Variants in DAB1 observed in about 807,000 individuals in gnomAD.
The protein encoded by DAB1 is disabled homolog 1.
In DAB1, 15 loss-of-function variants were observed where a neutral mutation model predicts 64.6. The ratio of observed to expected loss-of-function variants is 0.23; its 90% CI spans 0.16 to 0.36. DAB1 has a LOEUF of 0.36. Ranked by LOEUF, DAB1 falls within the 10% of genes least tolerant of loss-of-function variation. The pLI is 1.00. For missense variants in DAB1, 596 were observed against 706.7 expected (o/e 0.84, Z 1.78); for synonymous variants, 235 against 251.9 (o/e 0.93, Z 0.64).
chr1:58,251,435 C>G (rs1392558471), intron 4 of DAB1, among the ~76,000 whole-genome samples: 2 of 152,030 alleles, frequency 1.3e-5, no homozygotes, highest in Non-Finnish European at 2.9e-5. Flanking sequence ...AAGTAGATGG[C>G]GACATGTGAT....
intron 4 of DAB1, among the ~76,000 whole-genome samples, chr1:58,335,754 G>T (rs562407378): frequency 6.6e-6 from 1 of 152,182 alleles, no homozygotes; most frequent in East Asian, 1.9e-4. Flanking sequence ...GCTATAGGGC[G>T]TGAAAAAGAG....
chr1:57,957,702 G>A (rs1645423314), intron 5 of DAB1, among the ~76,000 whole-genome samples: 1 of 152,164 alleles, frequency 6.6e-6, no homozygotes, highest in South Asian at 2.1e-4. Context: ...AAGGAAAACT[G>A]AGGATTGGTC....
chr1:57,790,649 G>A (rs1182066747), intron 6 of DAB1, among the ~76,000 whole-genome samples: 1 of 152,068 alleles, frequency 6.6e-6, no homozygotes, highest in Non-Finnish European at 1.5e-5. Context: ...TATGACATCT[G>A]GTATCAGATG....
intron 5 of DAB1, among the ~76,000 whole-genome samples, chr1:57,911,039 C>T (rs1372207541): frequency 6.6e-6 from 1 of 152,180 alleles, no homozygotes; most frequent in Non-Finnish European, 1.5e-5. Context: ...CATCATTCAT[C>T]CACCTGTCAT....
chr1:57,472,559 G>GA (rs1267228244), intron 7 of DAB1, among the ~76,000 whole-genome samples: 1 of 152,176 alleles, frequency 6.6e-6, no homozygotes, highest in Non-Finnish European at 1.5e-5. Context: ...AAAGCACTGT[G>GA]AAAATCCCTA....
At chr1:57,879,772 A>G (rs1338894615) in intron 1 of DAB1, among the ~76,000 whole-genome samples, 1 of 152,124 alleles carries the variant, frequency 6.6e-6, no homozygotes, top group Non-Finnish European at 1.5e-5. Context: ...AGGATCCTCC[A>G]TTGGCCTCTG....
chr1:57,213,377 A>T (rs1280421852), intron 2 of DAB1, among the ~76,000 whole-genome samples: 2 of 152,184 alleles, frequency 1.3e-5, no homozygotes, highest in African/African-American at 2.4e-5. Flanking sequence ...CTAGCCATAC[A>T]TCTGGTGCTC....
At chr1:58,197,798 T>C (rs1657771240) in intron 4 of DAB1, among the ~76,000 whole-genome samples, 1 of 151,932 alleles carries the variant, frequency 6.6e-6, no homozygotes, top group South Asian at 2.1e-4. Context: ...GCTGTACCTA[T>C]TCCTTAATTT....
chr1:57,815,082 GT>G (rs1293237922), intron 6 of DAB1, among the ~76,000 whole-genome samples: 2 of 150,944 alleles, frequency 1.3e-5, no homozygotes, highest in African/African-American at 4.9e-5. Flanking sequence ...TTGTTTGTTT[GT>G]TTTTTTGAGA....
intron 2 of DAB1, among the ~76,000 whole-genome samples, chr1:57,185,943 G>A (rs1663510590): frequency 6.6e-6 from 1 of 152,054 alleles, no homozygotes; most frequent in Non-Finnish European, 1.5e-5. Flanking sequence ...AACTCAGAAA[G>A]CCTCCTGTGG....
intron 3 of DAB1, among the ~76,000 whole-genome samples, chr1:58,490,967 G>A (rs1314829197): frequency 7.3e-5 from 11 of 151,488 alleles, no homozygotes; most frequent in South Asian, 4.2e-4. Context: ...TACCAAGCCC[G>A]GCTAAATTTT....
intron 4 of DAB1, among the ~76,000 whole-genome samples, chr1:58,245,127 A>G (rs1660472080): frequency 1.3e-5 from 2 of 152,226 alleles, no homozygotes; most frequent in Non-Finnish European, 2.9e-5. Context: ...AGTACTGGGG[A>G]AAAGAGTATC....
intron 1 of DAB1, among the ~76,000 whole-genome samples, chr1:57,882,348 G>A (rs889020350): frequency 5.3e-5 from 8 of 152,170 alleles, no homozygotes; most frequent in Non-Finnish European, 1.2e-4. Flanking sequence ...ACGAACATCA[G>A]AGAAGAATGA....
intron 5 of DAB1, among the ~76,000 whole-genome samples, chr1:57,969,889 A>G (rs116741118): frequency 0.01 from 1,584 of 152,244 alleles, 33 homozygotes; most frequent in African/African-American, 0.037. Flanking sequence ...TCTCTCCAAC[A>G]TTCATTATTG....
chr1:57,532,961 T>C (rs1000190981), intron 7 of DAB1, among the ~76,000 whole-genome samples: 16 of 152,162 alleles, frequency 1.1e-4, no homozygotes, highest in Admixed American at 8.5e-4. Context: ...ATTATCCCTA[T>C]TTGACAGAAA....
At chr1:57,534,612 CT>C (rs1644703922) in intron 7 of DAB1, among the ~76,000 whole-genome samples, 1 of 152,124 alleles carries the variant, frequency 6.6e-6, no homozygotes, top group East Asian at 1.9e-4. Context: ...GATTATTTTC[CT>C]TGTGTTTTGC....
intron 2 of DAB1, among the ~76,000 whole-genome samples, chr1:57,171,682 AAC>A (rs1430786016): frequency 6.6e-6 from 1 of 152,140 alleles, no homozygotes; most frequent in Non-Finnish European, 1.5e-5. Flanking sequence ...ATCATAGGAA[AAC>A]AGGACAGCTC....
chr1:57,590,194 T>G (rs927407537), intron 7 of DAB1, among the ~76,000 whole-genome samples: 9 of 152,170 alleles, frequency 5.9e-5, no homozygotes, highest in Non-Finnish European at 1.0e-4. Flanking sequence ...CACGTGGTCT[T>G]TCTTCTATGC....
At chr1:57,423,563 A>T (rs936016080) in intron 1 of DAB1, among the ~76,000 whole-genome samples, 1 of 151,948 alleles carries the variant, frequency 6.6e-6, no homozygotes, top group African/African-American at 2.4e-5. Flanking sequence ...GGTCCGATAT[A>T]GCCAGGACCG....
Sources: gnomAD v4.1 joint callset for allele counts (sites outside exome capture counted in the v4.1 genomes callset) on GRCh38, gnomAD v4.1.1 for gene constraint, MANE v1.5 for transcripts, NCBI Gene and HGNC (gene_info 2026-07-23, HGNC 2026-07-21) for gene names.